The following UGT8 variants were observed in gnomAD, a reference collection of about 807,000 sequenced individuals.
UGT8 encodes 2-hydroxyacylsphingosine 1-beta-galactosyltransferase.
Under a neutral mutation model 40.5 loss-of-function variants are expected in UGT8, and 12 were observed. The ratio of observed to expected loss-of-function variants is 0.30; its 90% CI spans 0.19 to 0.48. The LOEUF is 0.48. UGT8 is among the 20% of genes least tolerant of loss of function. The pLI is 0.99. For missense variants in UGT8, 513 were observed against 648.7 expected, an observed-to-expected ratio of 0.79 and a Z score of 2.27; for synonymous variants, 224 against 240.4, an observed-to-expected ratio of 0.93 and a Z score of 0.63.
At chr4:114,612,058 G>A (rs538879484) in intron 1 of UGT8, among the ~76,000 whole-genome samples, 2 of 152,132 alleles carry the variant, frequency 1.3e-5, no homozygotes, top group Admixed American at 6.5e-5. Flanking sequence ...AAAAAATTCT[G>A]ATCATCTTAA....
chr4:114,663,936 A>G, intron 2 of UGT8, 59 bp from the exon 3 acceptor site: 3 of 1,586,476 alleles, frequency 1.9e-6, no homozygotes, highest in South Asian at 1.1e-5. Context: ...GCTGTTAATA[A>G]CACCAATTAT....
chr4:114,663,353 T>C (rs1025857734), intron 2 of UGT8, among the ~76,000 whole-genome samples: 1 of 152,114 alleles, frequency 6.6e-6, no homozygotes, highest in Admixed American at 6.6e-5. Flanking sequence ...GAGTCATCAA[T>C]GCACAGCAAG....
At chr4:114,627,728 G>T (rs1407233214) in intron 2 of UGT8, among the ~76,000 whole-genome samples, 1 of 152,164 alleles carries the variant, frequency 6.6e-6, no homozygotes, top group Non-Finnish European at 1.5e-5. Context: ...CTTTTTAGAT[G>T]ATTTCCCATT....
intron 2 of UGT8, among the ~76,000 whole-genome samples, chr4:114,657,235 C>A (rs1291600430): frequency 6.6e-6 from 1 of 151,812 alleles, no homozygotes; most frequent in Non-Finnish European, 1.5e-5. Context: ...GTCTTAAGAA[C>A]CTTGAAAATT....
chr4:114,615,470 G>T (rs1357335939), intron 1 of UGT8, among the ~76,000 whole-genome samples: 8 of 152,048 alleles, frequency 5.3e-5, no homozygotes. Context: ...TCCCCACCCA[G>T]TTCTAGGCAA....
intron 2 of UGT8, among the ~76,000 whole-genome samples, chr4:114,638,082 T>A (rs1181251860): frequency 6.6e-6 from 1 of 152,212 alleles, no homozygotes; most frequent in African/African-American, 2.4e-5. Context: ...GTGGTGCTTG[T>A]TTTATTTACT....
chr4:114,655,419 T>A (rs374670380), intron 2 of UGT8, among the ~76,000 whole-genome samples: 1 of 152,084 alleles, frequency 6.6e-6, no homozygotes, highest in East Asian at 1.9e-4. Flanking sequence ...TTACAGGGGC[T>A]TATTCTAGGT....
chr4:114,600,576 G>A (rs1489502088), intron 1 of UGT8, among the ~76,000 whole-genome samples: 1 of 152,072 alleles, frequency 6.6e-6, no homozygotes, highest in Non-Finnish European at 1.5e-5. Flanking sequence ...GTAAACACAT[G>A]TCACAGGGGT....
intron 2 of UGT8, among the ~76,000 whole-genome samples, chr4:114,637,341 G>A (rs59392253): frequency 0.023 from 3,431 of 152,184 alleles, 47 homozygotes; most frequent in Middle Eastern, 0.065. Flanking sequence ...AAAATAGGCC[G>A]GACACATCCC....
At chr4:114,650,918 T>G (rs1369943287) in intron 2 of UGT8, among the ~76,000 whole-genome samples, 1 of 151,930 alleles carries the variant, frequency 6.6e-6, no homozygotes, top group African/African-American at 2.4e-5. Flanking sequence ...TCATAGAACA[T>G]GTCATTTCCG....
chr4:114,599,348 C>A (rs1020266575), intron 1 of UGT8, among the ~76,000 whole-genome samples: 2 of 152,134 alleles, frequency 1.3e-5, no homozygotes, highest in Non-Finnish European at 2.9e-5. Flanking sequence ...TTGTACTTGA[C>A]CCCTGAAGGG....
intron 1 of UGT8, among the ~76,000 whole-genome samples, chr4:114,603,628 G>A (rs1049097395): frequency 3.9e-5 from 6 of 152,106 alleles, no homozygotes; most frequent in African/African-American, 1.4e-4. Flanking sequence ...ATGAGGGGGT[G>A]TTAGACAGTC....
In UGT8 at chr4:114,676,720, A is replaced by G. The variant is rs1477245696; in HGVS notation, c.*432A>G. On this transcript the variant is annotated 3_prime_UTR_variant, in exon 6 of 6. Coordinates refer to ENST00000310836, the MANE Select transcript of UGT8 (RefSeq NM_001128174.3). ...AGAATTTTTACTGGCTGCTTGTTAC[A>G]TTTGTTGAGGGTACAACACACTCAA... 6.4e-6 allele frequency: 1 copy of G among 155,458 alleles called. No homozygotes were observed. The highest frequency in any genetic ancestry group is 2.4e-5 in the African/African-American group (1 of 41,252). The allele number at this position is 155,458 out of a possible 1,614,324, so 9.6% of individuals were successfully genotyped here.
chr4:114,658,772 G>T (rs1215076009), intron 2 of UGT8, among the ~76,000 whole-genome samples: 1 of 152,176 alleles, frequency 6.6e-6, no homozygotes, highest in Admixed American at 6.5e-5. Flanking sequence ...TACCCAATGA[G>T]TGTCTTCTTT....
At chr4:114,615,626 T>C (rs796246421) in intron 1 of UGT8, among the ~76,000 whole-genome samples, 10 of 152,328 alleles carry the variant, frequency 6.6e-5, no homozygotes, top group African/African-American at 1.7e-4. Flanking sequence ...TGTTACACCT[T>C]TTCTGGTTTA....
chr4:114,660,902 A>G (rs986050083), intron 2 of UGT8, among the ~76,000 whole-genome samples: 7 of 152,042 alleles, frequency 4.6e-5, no homozygotes, highest in African/African-American at 7.2e-5. Context: ...AAAAAAAAAA[A>G]AAAAAAAATT....
At chr4:114,602,497 T>G (rs1730500183) in intron 1 of UGT8, among the ~76,000 whole-genome samples, 1 of 152,222 alleles carries the variant, frequency 6.6e-6, no homozygotes, top group South Asian at 2.1e-4. Flanking sequence ...GGTAATCATA[T>G]CTCCTTAATC....
chr4:114,609,430 A>G (rs1730914661), intron 1 of UGT8, among the ~76,000 whole-genome samples: 1 of 152,218 alleles, frequency 6.6e-6, no homozygotes, highest in Non-Finnish European at 1.5e-5. Context: ...CTTTATCTGA[A>G]TATATGCTTT....
At chr4:114,667,780 G>T in intron 4 of UGT8, 1 of 601,486 alleles carries the variant, frequency 1.7e-6, no homozygotes, top group Non-Finnish European at 2.1e-6. Context: ...TGCTTTCATT[G>T]GCTTCATAAT....
Sources: allele counts gnomAD v4.1 joint callset (sites outside exome capture counted in the v4.1 genomes callset), GRCh38; gene constraint gnomAD v4.1.1; transcripts MANE v1.5; gene names NCBI Gene and HGNC (gene_info 2026-07-23, HGNC 2026-07-21).